Variants in GALNT15 observed in about 807,000 individuals in gnomAD.
GALNT15 encodes polypeptide N-acetylgalactosaminyltransferase 15, also known as UDP-GalNAc transferase T15.
GALNT15 carries 67 observed loss-of-function variants against 66.8 expected under a neutral mutation model. The ratio of observed to expected loss-of-function variants is 1.00; its 90% confidence interval spans 0.82 to 1.23. GALNT15 has a LOEUF of 1.23. Among genes scored for constraint, GALNT15 ranks in the 50% most tolerant of loss-of-function variants. GALNT15 has a pLI of 0.00. For synonymous variants in GALNT15, 313 were observed against 311.5 expected, an observed-to-expected ratio of 1.00 and a Z score of -0.05; for missense variants, 827 against 804.3, an observed-to-expected ratio of 1.03 and a Z score of -0.34.
the GALNT15 span, among the ~76,000 whole-genome samples, chr3:16,244,512 G>A: frequency 6.6e-6 from 1 of 152,234 alleles, no homozygotes; most frequent in Admixed American, 6.5e-5. Context: ...CCAGGCTGGA[G>A]GATGGGCCAG....
Position 16,219,316 on chromosome 3 carries a change from C to G in GALNT15, c.1393-87C>G. ...CCTTCCTTCTGTCCTGATCCTTTAG[C>G]TTCTTCCCAGCCACTCCATCCCCAA... On this transcript the variant is annotated intron_variant, in intron 6 of 9. Coordinates refer to ENST00000339732, the MANE Select transcript of GALNT15 (RefSeq NM_054110.5). This position sits in a 1 kb window ranked among gnomAD's most constrained non-coding sequence, Gnocchi z 4.3. 6.5e-7 allele frequency: 1 copy of G among 1,548,626 alleles called. No homozygotes were observed. The highest frequency in any genetic ancestry group is 8.8e-7 in the Non-Finnish European group (1 of 1,139,044).
Position 16,200,708 on chromosome 3 carries a change from G to T in GALNT15, c.796G>T (p.Ala266Ser). Residue 266 changes from alanine to serine, a missense_variant, in exon 3 of 10, where the codon GCC becomes TCC. By Grantham distance (99) the Ala-to-Ser change is moderately conservative. Transcript: ENST00000339732. This position sits in a 1 kb window ranked among gnomAD's most constrained non-coding sequence, Gnocchi z 4.4. Reference sequence around the variant, plus strand: ...CAACAAGAGGCTGGGTGCCATCAGGGCCCGGATGCTGGGGGCCACCAGAGC... The same window carrying T: ...CAACAAGAGGCTGGGTGCCATCAGGTCCCGGATGCTGGGGGCCACCAGAGC... ...RSNKRLGAIR[A>S]RMLGATRATG... 1.2e-6 allele frequency: 2 copies of T among 1,611,384 alleles called. No individual in the cohort carries two copies. The highest frequency in any genetic ancestry group is 8.5e-7 in the Non-Finnish European group (1 of 1,178,870).
chr3:16,222,573 A>T, intron 8 of GALNT15, 42 bp from the exon 9 acceptor site: 5 of 1,612,968 alleles, frequency 3.1e-6, no homozygotes, highest in Non-Finnish European at 4.2e-6. Context: ...TTTGAAGAGG[A>T]TCTCTTTCTA....
At chr3:16,237,888 C>A in the GALNT15 span, among the ~76,000 whole-genome samples, 15 of 152,282 alleles carry the variant, frequency 9.9e-5, no homozygotes, top group Admixed American at 3.9e-4. This position sits in a 1 kb window ranked among gnomAD's most constrained non-coding sequence, Gnocchi z 4.2. Flanking sequence ...AATGGCCTCA[C>A]CCCTCAGCTT....
At chr3:16,240,064 A>G in the GALNT15 span, among the ~76,000 whole-genome samples, 1 of 152,256 alleles carries the variant, frequency 6.6e-6, no homozygotes, top group Non-Finnish European at 1.5e-5. Context: ...CAGAAAGCAC[A>G]GAAGGTAATG....
Position 16,219,329 on chromosome 3 carries a change from A to T in GALNT15, c.1393-74A>T. ...CTGATCCTTTAGCTTCTTCCCAGCC[A>T]CTCCATCCCCAACCATGTGAATTCT... On this transcript the variant is annotated intron_variant, in intron 6 of 9. Transcript: ENST00000339732. This position sits in a 1 kb window ranked among gnomAD's most constrained non-coding sequence, Gnocchi z 4.3. 2.5e-6 allele frequency: 4 copies of T among 1,576,926 alleles called. No individual in the cohort carries two copies. The highest frequency in any genetic ancestry group is 3.4e-6 in the Non-Finnish European group (4 of 1,159,814).
chr3:16,216,847 G>C (rs913112708), intron 6 of GALNT15, among the ~76,000 whole-genome samples: 2 of 152,214 alleles, frequency 1.3e-5, no homozygotes, highest in African/African-American at 4.8e-5. Context: ...GCACATGCTT[G>C]AGCCCACTTG....
At chr3:16,215,906 C>CAAAAAAAAAAAACAAAAAAAAAAAAAAAA (rs1559690416) in intron 6 of GALNT15, among the ~76,000 whole-genome samples, 2 of 102,612 alleles carry the variant, frequency 1.9e-5, no homozygotes, top group East Asian at 3.0e-4. Flanking sequence ...GAGACTCCGC[C>CAAAAAAAAAAAACAAAAAAAAAAAAAAAA]AAAAAAAAAA....
At position 16,200,644 on chromosome 3, in the gene GALNT15, A is replaced by G; in HGVS notation, c.732A>G (p.Glu244=). 1.9e-6 allele frequency: 3 copies of G among 1,579,180 alleles called. No individual in the cohort carries two copies. In the East Asian group the frequency reaches 6.9e-5, roughly 36 times the overall value. ...QQGQLKSALS[E]YVARLEGVKL... is the part of the protein sequence containing the mutation. Reference sequence around the variant, plus strand: ...GACAACTCAAGTCTGCTCTCAGCGAATATGTGGCCAGGCTGGAGGGGGTGA... The same window carrying G: ...GACAACTCAAGTCTGCTCTCAGCGAGTATGTGGCCAGGCTGGAGGGGGTGA... The change falls in exon 3 of 10, where the codon GAA becomes GAG. Residue 244 remains glutamate, a synonymous_variant. Transcript: ENST00000339732. This position sits in a 1 kb window ranked among gnomAD's most constrained non-coding sequence, Gnocchi z 4.4.
rs780292878 is a variant in GALNT15 at position 16,210,093 on chromosome 3, A to C, written c.1080-1031A>C. ...CACAGGTGTCAGAAAAGGAATGCTG[A>C]ACTTGTAACATCAAAATCCAGTGAG... is the stretch of plus-strand genomic sequence containing the variant. On this transcript the variant is annotated intron_variant, in intron 4 of 9. Transcript: ENST00000339732. Among the ~76,000 whole-genome samples, 72 of 152,248 alleles carry C rather than the reference A, an allele frequency of 4.7e-4. 1 individual carries two copies. Among genetic ancestry groups the C allele is most frequent in the Admixed American group, 2.0e-3 (31 of 15,290 alleles).
At chr3:16,245,288 A>G in the GALNT15 span, among the ~76,000 whole-genome samples, 2 of 152,164 alleles carry the variant, frequency 1.3e-5, no homozygotes, top group African/African-American at 4.8e-5. Flanking sequence ...ACCCCTCATG[A>G]ACCACCTGCA....
At chr3:16,215,916 A>AAAAAAAAAAAAAAAAAAAAAAC (rs2063869013) in intron 6 of GALNT15, among the ~76,000 whole-genome samples, 2 of 143,452 alleles carry the variant, frequency 1.4e-5, no homozygotes, top group African/African-American at 5.2e-5. Context: ...CAAAAAAAAA[A>AAAAAAAAAAAAAAAAAAAAAAC]AAAAAAAAAG....
At chr3:16,233,113 T>TTTTTTTTTTTTTTTTTTTTCTTGA, downstream of GALNT15, among the ~76,000 whole-genome samples, 1 of 139,348 alleles carries the variant, frequency 7.2e-6, no homozygotes, top group Non-Finnish European at 1.5e-5. Flanking sequence ...TTTTTTTTTT[T>TTTTTTTTTTTTTTTTTTTTCTTGA]GAAACGGAGT....
At chr3:16,177,421 G>A (rs542628510) in intron 1 of GALNT15, among the ~76,000 whole-genome samples, 12 of 152,284 alleles carry the variant, frequency 7.9e-5, no homozygotes, top group East Asian at 1.9e-4. Flanking sequence ...ATGTATGTTC[G>A]TGCATGTGTG....
Position 16,200,154 on chromosome 3 carries a change from A to G in GALNT15, c.707-465A>G, listed in dbSNP as rs898825257. On this transcript the variant is annotated intron_variant, in intron 2 of 9. Coordinates refer to ENST00000339732, the MANE Select transcript of GALNT15 (RefSeq NM_054110.5). This position sits in a 1 kb window ranked among gnomAD's most constrained non-coding sequence, Gnocchi z 4.4. ...GGAGGAAAAACTATCAAACACTTAT[A>G]TAATCATCAGATCTCATGAGAACTC... Among the ~76,000 whole-genome samples the G allele has an allele frequency of 3.3e-5, 5 of 152,188 alleles. No individual in the cohort carries two copies. The highest frequency in any genetic ancestry group is 9.7e-5 in the African/African-American group (4 of 41,444).
rs565634495 is a variant in GALNT15 at position 16,188,601 on chromosome 3, G to A, written c.540-7159G>A. 4.0e-4 allele frequency among the ~76,000 whole-genome samples: 61 copies of A among 152,260 alleles called. No homozygotes were observed. Among genetic ancestry groups the A allele is most frequent in the African/African-American group, 1.4e-3 (57 of 41,548 alleles). Reference sequence around the variant, plus strand: ...TGCTCCCTTCAAACCTGAACAAAGGGGTTGGAGCACTAGGAGGGGATGGTG... The same window carrying A: ...TGCTCCCTTCAAACCTGAACAAAGGAGTTGGAGCACTAGGAGGGGATGGTG... On this transcript the variant is annotated intron_variant, in intron 1 of 9. Transcript: ENST00000339732. This position sits in a 1 kb window ranked among gnomAD's most constrained non-coding sequence, Gnocchi z 4.6.
rs978292754 is a variant in GALNT15 at position 16,224,865 on chromosome 3, G to A, written c.1773+2107G>A. Reference sequence around the variant, plus strand: ...TTGGCCAGGCTGGTCTCGAACTCCTGACATCAGGTAATCTGCCTGCCTCGG... The same window carrying A: ...TTGGCCAGGCTGGTCTCGAACTCCTAACATCAGGTAATCTGCCTGCCTCGG... On this transcript the variant is annotated intron_variant, in intron 9 of 9. Coordinates refer to ENST00000339732, the MANE Select transcript of GALNT15 (RefSeq NM_054110.5). This position sits in a 1 kb window ranked among gnomAD's most constrained non-coding sequence, Gnocchi z 5.2. Among the ~76,000 whole-genome samples, 3 of 152,070 alleles carry A rather than the reference G, an allele frequency of 2.0e-5. No homozygotes were observed. Among genetic ancestry groups the A allele is most frequent in the African/African-American group, 7.2e-5 (3 of 41,388 alleles).
chr3:16,218,838 G>T (rs1184064023), intron 6 of GALNT15, among the ~76,000 whole-genome samples: 1 of 136,828 alleles, frequency 7.3e-6, no homozygotes, highest in African/African-American at 2.9e-5. Flanking sequence ...TTTTTGCGAG[G>T]AAGTCTTGCT....
At chr3:16,202,128 A>G (rs2063710272) in intron 3 of GALNT15, among the ~76,000 whole-genome samples, 2 of 152,226 alleles carry the variant, frequency 1.3e-5, no homozygotes, top group Non-Finnish European at 2.9e-5. Flanking sequence ...CATCAGCCAA[A>G]TGGAGATGGT....
Sources: allele counts gnomAD v4.1 joint callset (sites outside exome capture counted in the v4.1 genomes callset), GRCh38; gene constraint gnomAD v4.1.1; non-coding constraint Gnocchi (gnomAD v3.1); transcripts MANE v1.5; gene names NCBI Gene and HGNC (gene_info 2026-07-23, HGNC 2026-07-21).